The following TRAF3IP2 variants were observed in gnomAD, a reference collection of about 807,000 sequenced individuals.
TRAF3IP2 encodes TRAF3 interacting protein 2.
Under a neutral mutation model 57.9 loss-of-function variants are expected in TRAF3IP2, and 35 were observed. That is an observed-to-expected ratio of 0.60 (90% confidence interval 0.46 to 0.80). The LOEUF (loss-of-function observed/expected upper bound fraction) is 0.80. Among genes scored for constraint, TRAF3IP2 ranks in the 30% least tolerant of loss-of-function variants. The pLI is 0.00. For missense variants in TRAF3IP2, 556 were observed against 706.4 expected, an observed-to-expected ratio of 0.79 and a Z score of 2.41; for synonymous variants, 251 against 268.9, an observed-to-expected ratio of 0.93 and a Z score of 0.65.
chr6:111,572,853 T>A lies in TRAF3IP2; in HGVS notation c.1290+42A>T, dbSNP rs181913674. ...TCTGCTGCTTTTCTCTCCATTGTAC[T>A]CACTATAACTGTTCAGTTATCTATT... On this transcript the variant is annotated intron_variant, in intron 5 of 8. Coordinates refer to ENST00000368761, the MANE Select transcript of TRAF3IP2 (RefSeq NM_147686.4). 1.2e-5 allele frequency: 17 copies of A among 1,406,864 alleles called. No homozygotes were observed. In the Admixed American group the frequency reaches 2.2e-4, roughly 18 times the overall value. 87.1% of individuals were successfully genotyped at this position (1,406,864 alleles called of 1,614,324 possible).
rs139153093 is a variant in TRAF3IP2 at position 111,586,580 on chromosome 6, T to C, written c.829+4678A>G. On this transcript the variant is annotated intron_variant, in intron 2 of 8. Coordinates refer to ENST00000368761, the MANE Select transcript of TRAF3IP2 (RefSeq NM_147686.4). ...AGGGGCGACCAATAACCATTTTTGCTTTAACTTGCAAAAAGCTTAGATATG... is the reference window on the plus strand; with the variant it reads ...AGGGGCGACCAATAACCATTTTTGCCTTAACTTGCAAAAAGCTTAGATATG... Among the ~76,000 whole-genome samples, 205 of 152,306 alleles carry C rather than the reference T, an allele frequency of 1.3e-3. 2 individuals carry two copies. The highest frequency in any genetic ancestry group is 4.8e-3 in the African/African-American group (198 of 41,554).
intron 8 of TRAF3IP2, among the ~76,000 whole-genome samples, chr6:111,561,193 A>G (rs1285728618): frequency 6.7e-6 from 1 of 148,616 alleles, no homozygotes; most frequent in East Asian, 2.0e-4. Context: ...AAAAAAAAAA[A>G]CACTTTGGGA....
chr6:111,561,081 C>G (rs540401995), intron 8 of TRAF3IP2, among the ~76,000 whole-genome samples: 2 of 151,936 alleles, frequency 1.3e-5, no homozygotes, highest in African/African-American at 4.8e-5. Context: ...ACTTGGGAGG[C>G]TGAGGCAGGA....
At chr6:111,588,860 G>A (rs1796418880) in intron 2 of TRAF3IP2, among the ~76,000 whole-genome samples, 1 of 152,062 alleles carries the variant, frequency 6.6e-6, no homozygotes, top group Non-Finnish European at 1.5e-5. Context: ...AATGATTCTG[G>A]AATAAGTACT....
At chr6:111,566,631 C>T (rs1435710005) in intron 6 of TRAF3IP2, 71 bp from the exon 7 acceptor site, 20 of 1,334,440 alleles carry the variant, frequency 1.5e-5, no homozygotes, top group African/African-American at 1.4e-4. Context: ...CTCTGACACA[C>T]GGGGTGGAGG....
chr6:111,570,422 C>T (rs879600219), intron 5 of TRAF3IP2, among the ~76,000 whole-genome samples: 3 of 152,198 alleles, frequency 2.0e-5, no homozygotes, highest in Non-Finnish European at 4.4e-5. Context: ...ATTGGACTCT[C>T]TAAAACCTAC....
At chr6:111,582,321 G>A (rs1012065787) in intron 2 of TRAF3IP2, among the ~76,000 whole-genome samples, 24 of 152,178 alleles carry the variant, frequency 1.6e-4, no homozygotes, top group South Asian at 6.2e-4. Flanking sequence ...TCTCCTGGCA[G>A]GACCCCATGA....
chr6:111,574,231 G>C (rs1043773501), intron 4 of TRAF3IP2, among the ~76,000 whole-genome samples: 2 of 152,220 alleles, frequency 1.3e-5, no homozygotes, highest in African/African-American at 4.8e-5. Context: ...TTTCAGAGTT[G>C]TCAATGACTA....
At chr6:111,569,022 A>C (rs2128372657) in intron 5 of TRAF3IP2, among the ~76,000 whole-genome samples, 1 of 152,352 alleles carries the variant, frequency 6.6e-6, no homozygotes, top group East Asian at 1.9e-4. Context: ...TCCTACGGAA[A>C]GAGACCATGC....
chr6:111,573,909 T>C (rs1245353826), intron 4 of TRAF3IP2: 1 of 152,208 alleles, frequency 6.6e-6, no homozygotes, highest in Non-Finnish European at 1.5e-5. Flanking sequence ...CTGAGGTTTT[T>C]TGAAACACAC....
At chr6:111,605,334 C>T (rs780566276) in intron 1 of TRAF3IP2, among the ~76,000 whole-genome samples, 1 of 152,222 alleles carries the variant, frequency 6.6e-6, no homozygotes, top group East Asian at 1.9e-4. Context: ...CCCCCCTGCA[C>T]GAAACAAGGA....
intron 1 of TRAF3IP2, among the ~76,000 whole-genome samples, chr6:111,596,288 T>C (rs1220062952): frequency 6.6e-6 from 1 of 152,018 alleles, no homozygotes; most frequent in African/African-American, 2.4e-5. Flanking sequence ...AGGGTGCAAT[T>C]TTCTCTTTTC....
intron 1 of TRAF3IP2, among the ~76,000 whole-genome samples, chr6:111,597,248 G>C (rs1404291077): frequency 6.6e-6 from 1 of 152,122 alleles, no homozygotes; most frequent in Non-Finnish European, 1.5e-5. Flanking sequence ...CAAAGGTCCT[G>C]CCCATGGGCA....
chr6:111,559,573 G>A (rs1050358036), intron 8 of TRAF3IP2, 22 bp from the exon 9 acceptor site: 6 of 1,611,018 alleles, frequency 3.7e-6, no homozygotes, highest in Non-Finnish European at 5.1e-6. Flanking sequence ...AGAATGACAG[G>A]AGCAAAGGTC....
At position 111,555,500 on chromosome 6, in the gene TRAF3IP2, T is replaced by C. The variant is rs1188412690; in HGVS notation, c.*3905A>G. Reference sequence around the variant, plus strand: ...TAATACTTTGATTGTAGCCATGTACTGAGACCTCTTTGAACAATCTAGAAG... The same window carrying C: ...TAATACTTTGATTGTAGCCATGTACCGAGACCTCTTTGAACAATCTAGAAG... On this transcript the variant is annotated 3_prime_UTR_variant, in exon 9 of 9. Coordinates refer to ENST00000368761, the MANE Select transcript of TRAF3IP2 (RefSeq NM_147686.4). Among the ~76,000 whole-genome samples the C allele has an allele frequency of 6.6e-6, 1 of 152,230 alleles. No homozygotes were observed. The highest frequency in any genetic ancestry group is 1.5e-5 in the Non-Finnish European group (1 of 68,034).
At chr6:111,587,313 T>G (rs1796370983) in intron 2 of TRAF3IP2, among the ~76,000 whole-genome samples, 1 of 152,184 alleles carries the variant, frequency 6.6e-6, no homozygotes, top group Non-Finnish European at 1.5e-5. Context: ...TGGAGTGCAG[T>G]GGCGCGATCT....
At position 111,561,396 on chromosome 6, in the gene TRAF3IP2, C is replaced by T. The variant is rs1051476913; in HGVS notation, c.1551+1569G>A. 2.0e-5 allele frequency among the ~76,000 whole-genome samples: 3 copies of T among 152,100 alleles called. No individual in the cohort carries two copies. In the South Asian group the frequency reaches 6.2e-4, roughly 32 times the overall value. On this transcript the variant is annotated intron_variant, in intron 8 of 8. Coordinates refer to ENST00000368761, the MANE Select transcript of TRAF3IP2 (RefSeq NM_147686.4). ...CAGAGGTTGCAGTGAGCCGAGATCA[C>T]ACCACTACACTCCAGCCTGATGACA...
rs574265778 is a variant in TRAF3IP2 at position 111,605,321 on chromosome 6, T to C, written c.-9+455A>G. 6.6e-5 allele frequency among the ~76,000 whole-genome samples: 10 copies of C among 152,336 alleles called. No homozygotes were observed. The East Asian group carries it at 1.9e-3, about 29-fold the overall frequency. ...GGCCCAAAAATGTGCTGTTGATTTT[T>C]TTCCCCCCTGCACGAAACAAGGATT... On this transcript the variant is annotated intron_variant, in intron 1 of 8. Transcript: ENST00000368761.
chr6:111,580,567 C>T (rs2075967), intron 2 of TRAF3IP2, among the ~76,000 whole-genome samples, 178 bp from the exon 3 acceptor site: 58,250 of 152,108 alleles, frequency 0.38, 12,577 homozygotes, highest in South Asian at 0.52. Context: ...AGTGTTTTCA[C>T]GAAATTCACT....
Sources: allele counts gnomAD v4.1 joint callset (sites outside exome capture counted in the v4.1 genomes callset), GRCh38; gene constraint gnomAD v4.1.1; transcripts MANE v1.5; gene names NCBI Gene and HGNC (gene_info 2026-07-23, HGNC 2026-07-21).